Variants in EFNA5 observed in about 807,000 individuals in gnomAD.
EFNA5 encodes ephrin A5, also known as ephrin-A5.
In EFNA5, 5 loss-of-function variants were observed where a neutral mutation model predicts 22.9. The ratio of observed to expected loss-of-function variants is 0.22; its 90% CI spans 0.11 to 0.46. The LOEUF is 0.46. EFNA5 is among the 20% of genes least tolerant of loss of function. EFNA5 has a pLI of 0.99. For missense variants in EFNA5, 237 were observed against 293.3 expected, an observed-to-expected ratio of 0.81 and a Z score of 1.40; for synonymous variants, 113 against 112.2, an observed-to-expected ratio of 1.01 and a Z score of -0.04.
At chr5:107,633,519 G>T (rs576396541) in intron 1 of EFNA5, among the ~76,000 whole-genome samples, 2 of 152,192 alleles carry the variant, frequency 1.3e-5, no homozygotes, top group African/African-American at 4.8e-5. Context: ...CATTACTTCC[G>T]CTTTTCTAAC....
chr5:107,572,475 A>G (rs1300954330), intron 1 of EFNA5, among the ~76,000 whole-genome samples: 3 of 152,220 alleles, frequency 2.0e-5, no homozygotes, highest in Non-Finnish European at 4.4e-5. Context: ...AAAGCTAGGG[A>G]GGAGGGGGCC....
intron 1 of EFNA5, among the ~76,000 whole-genome samples, chr5:107,444,753 A>C (rs934791404): frequency 6.6e-6 from 1 of 152,184 alleles, no homozygotes; most frequent in African/African-American, 2.4e-5. Context: ...ACTTAGAAGT[A>C]AAATTTTCTT....
At chr5:107,632,591 ATTCTAG>A (rs1171667837) in intron 1 of EFNA5, among the ~76,000 whole-genome samples, 1 of 151,850 alleles carries the variant, frequency 6.6e-6, no homozygotes, top group Non-Finnish European at 1.5e-5. Flanking sequence ...CATCTTTATT[ATTCTAG>A]TTCAAGAACA....
intron 1 of EFNA5, among the ~76,000 whole-genome samples, chr5:107,643,675 G>T (rs147101621): frequency 6.6e-6 from 1 of 151,778 alleles, no homozygotes; most frequent in Non-Finnish European, 1.5e-5. Flanking sequence ...TAAGCTTGAC[G>T]AGAGGGGGAG....
chr5:107,476,192 C>T (rs1389898841), intron 1 of EFNA5, among the ~76,000 whole-genome samples: 3 of 149,760 alleles, frequency 2.0e-5, no homozygotes, highest in African/African-American at 7.5e-5. Flanking sequence ...GCTGGGGTTA[C>T]AGGCACCTGC....
intron 1 of EFNA5, among the ~76,000 whole-genome samples, chr5:107,617,241 G>C (rs200346703): frequency 0.016 from 1,904 of 116,240 alleles, 21 homozygotes; most frequent in Admixed American, 0.041. Context: ...CACACACAGA[G>C]AGAGAGAGAG....
intron 1 of EFNA5, among the ~76,000 whole-genome samples, chr5:107,603,761 T>C (rs1457861047): frequency 6.6e-6 from 1 of 152,224 alleles, no homozygotes; most frequent in East Asian, 1.9e-4. Flanking sequence ...GAGCTGTGAC[T>C]TATGTTAGCA....
intron 2 of EFNA5, among the ~76,000 whole-genome samples, chr5:107,400,023 C>T (rs1748043990): frequency 6.6e-6 from 1 of 152,002 alleles, no homozygotes; most frequent in South Asian, 2.1e-4. Flanking sequence ...TTTAAGAGAA[C>T]TAAAGGTTCA....
At chr5:107,483,197 A>C (rs1318023695) in intron 1 of EFNA5, among the ~76,000 whole-genome samples, 1 of 152,026 alleles carries the variant, frequency 6.6e-6, no homozygotes, top group Non-Finnish European at 1.5e-5. Context: ...TAGACATCAA[A>C]CTATGTTGTT....
At chr5:107,527,274 C>T (rs1324757858) in intron 1 of EFNA5, among the ~76,000 whole-genome samples, 1 of 149,496 alleles carries the variant, frequency 6.7e-6, no homozygotes, top group African/African-American at 2.5e-5. Flanking sequence ...TTTAAAACAA[C>T]CTTTTTTTCT....
intron 1 of EFNA5, among the ~76,000 whole-genome samples, chr5:107,668,881 G>A (rs1580592653): frequency 6.6e-6 from 1 of 152,172 alleles, no homozygotes; most frequent in South Asian, 2.1e-4. Flanking sequence ...TTTCCTAATA[G>A]TGGTAAGTGG....
At chr5:107,666,443 A>G (rs2112564423) in intron 1 of EFNA5, among the ~76,000 whole-genome samples, 1 of 152,300 alleles carries the variant, frequency 6.6e-6, no homozygotes, top group South Asian at 2.1e-4. Flanking sequence ...ACGTGTTAAC[A>G]AAACTAAAAG....
At chr5:107,489,383 C>G (rs1262038397) in intron 1 of EFNA5, among the ~76,000 whole-genome samples, 1 of 152,068 alleles carries the variant, frequency 6.6e-6, no homozygotes, top group African/African-American at 2.4e-5. Flanking sequence ...CAAGACCAGG[C>G]TGGTCTCAAA....
intron 1 of EFNA5, among the ~76,000 whole-genome samples, chr5:107,524,805 T>G (rs1250663743): frequency 6.6e-6 from 1 of 152,194 alleles, no homozygotes; most frequent in African/African-American, 2.4e-5. Flanking sequence ...CCTTTGCCTA[T>G]AGTGATACCA....
intron 1 of EFNA5, among the ~76,000 whole-genome samples, chr5:107,638,767 T>C (rs1360725786): frequency 6.6e-6 from 1 of 152,182 alleles, no homozygotes; most frequent in African/African-American, 2.4e-5. Flanking sequence ...TACCGAGGGA[T>C]GAATGTACTT....
Position 107,462,547 on chromosome 5 carries a change from G to C in EFNA5, c.126-35038C>G, listed in dbSNP as rs78755995. ...CATCACACACAGCATGGCCCTTGTAGAGCTAATATGTTCTTTCATTCCCAG... is the reference window on the plus strand; with the variant it reads ...CATCACACACAGCATGGCCCTTGTACAGCTAATATGTTCTTTCATTCCCAG... On this transcript the variant is annotated intron_variant, in intron 1 of 4. Coordinates refer to ENST00000333274, the MANE Select transcript of EFNA5 (RefSeq NM_001962.3). Among the ~76,000 whole-genome samples, 798 of 152,224 alleles carry C rather than the reference G, an allele frequency of 5.2e-3. 7 individuals carry two copies. The highest frequency in any genetic ancestry group is 0.018 in the African/African-American group (732 of 41,554).
Position 107,381,153 on chromosome 5 carries a change from A to G in EFNA5, c.*102T>C. On this transcript the variant is annotated 3_prime_UTR_variant, in exon 5 of 5. Transcript: ENST00000333274. ...AGAAAACAAAAATCTGACATCTGCC[A>G]AAACCCAATAACAAGTCCCTTCTTA... 1.4e-6 allele frequency: 2 copies of G among 1,452,916 alleles called. No individual in the cohort carries two copies. The highest frequency in any genetic ancestry group is 1.8e-6 in the Non-Finnish European group (2 of 1,083,888). 90.0% of individuals were successfully genotyped at this position (1,452,916 alleles called of 1,614,324 possible).
chr5:107,484,094 C>A (rs1024703878), intron 1 of EFNA5, among the ~76,000 whole-genome samples: 52 of 152,312 alleles, frequency 3.4e-4, no homozygotes, highest in Admixed American at 1.5e-3. Flanking sequence ...CCTTAAAGTT[C>A]ACTCTGTCCT....
intron 1 of EFNA5, among the ~76,000 whole-genome samples, chr5:107,600,114 C>A (rs193244481): frequency 6.6e-6 from 1 of 152,190 alleles, no homozygotes; most frequent in East Asian, 1.9e-4. Context: ...CTGATCAGTG[C>A]CATTTTGGGT....
Sources: gnomAD v4.1 joint callset for allele counts (sites outside exome capture counted in the v4.1 genomes callset) on GRCh38, gnomAD v4.1.1 for gene constraint, MANE v1.5 for transcripts, NCBI Gene and HGNC (gene_info 2026-07-23, HGNC 2026-07-21) for gene names.